MT4: variants seen among roughly 807,000 people sequenced by gnomAD.
MT4 encodes metallothionein 4.
MT4 carries 11 observed loss-of-function variants against 9.5 expected under a neutral mutation model. The observed-to-expected ratio is 1.16, with a 90% CI of 0.73 to 1.92. MT4 has a LOEUF of 1.92. MT4 is among the 30% of genes most tolerant of loss of function. The pLI, the probability that MT4 is intolerant of heterozygous loss-of-function variation, is 0.00. For missense variants in MT4, 88 were observed against 78.7 expected, an observed-to-expected ratio of 1.12 and a Z score of -0.45; for synonymous variants, 29 against 24.6, an observed-to-expected ratio of 1.18 and a Z score of -0.53.
chr16:56,565,178 C>T lies in MT4; in HGVS notation c.31+19C>T. 1 of 1,607,960 alleles carries T rather than the reference C, an allele frequency of 6.2e-7. No homozygotes were observed. Among genetic ancestry groups the T allele is most frequent in the Non-Finnish European group, 8.5e-7 (1 of 1,177,290 alleles). On this transcript the variant is annotated intron_variant, in intron 1 of 2. Transcript: ENST00000219162. ...ATGTCTGGTGAGTAAAGAAGCCCTC[C>T]CTGGGGTCTGGGAACCTTGGACCAG...
At chr16:56,567,398 T>C (rs1330642814) in intron 1 of MT4, among the ~76,000 whole-genome samples, 1 of 152,218 alleles carries the variant, frequency 6.6e-6, no homozygotes. Flanking sequence ...CTGTTGGTTC[T>C]CATTGTACAT....
intron 1 of MT4, among the ~76,000 whole-genome samples, chr16:56,566,790 GAAAGAAAGAAAGAAAGAAAGAAAGAAAGA>G (rs771566324): frequency 0.081 from 3,127 of 38,460 alleles, 151 homozygotes; most frequent in Admixed American, 0.14. Context: ...AAGAAAGAAA[GAAAGAAAGAAAGAAAGAAAGAAAGAAAGA>G]AAAGAAAGAA....
chr16:56,565,787 T>C (rs1346419068), intron 1 of MT4, among the ~76,000 whole-genome samples: 2 of 152,188 alleles, frequency 1.3e-5, no homozygotes. Flanking sequence ...CTCACAAGTC[T>C]GGGTGGTGTG....
intron 2 of MT4, 125 bp from the exon 3 acceptor site, chr16:56,568,716 C>T (rs893392129): frequency 3.8e-5 from 23 of 604,064 alleles, no homozygotes; most frequent in Admixed American, 8.5e-5. Context: ...AGCATTTTTG[C>T]TAATGTGGAT....
intron 2 of MT4, among the ~76,000 whole-genome samples, chr16:56,568,202 A>G (rs1959562776): frequency 3.0e-5 from 2 of 67,672 alleles, no homozygotes; most frequent in Non-Finnish European, 2.8e-5. Flanking sequence ...GAAGGAAGAG[A>G]GAGAGAGAGA....
intron 1 of MT4, among the ~76,000 whole-genome samples, chr16:56,567,129 T>G (rs1959546276): frequency 6.6e-6 from 1 of 152,002 alleles, no homozygotes; most frequent in Non-Finnish European, 1.5e-5. Context: ...GTTCAAGAGA[T>G]TCTCGTGTCT....
intron 1 of MT4, among the ~76,000 whole-genome samples, chr16:56,566,761 G>GAAA (rs1959530257): frequency 5.0e-5 from 3 of 60,602 alleles, no homozygotes; most frequent in Non-Finnish European, 9.7e-5. Flanking sequence ...AAGGAAGGAA[G>GAAA]GAAGGAAGGA....
Position 56,568,271 on chromosome 16 carries a change from G to GAGAAAGAA in MT4, c.98-510_98-503dup, listed in dbSNP as rs58324349. ...AGAAAGAAAGAAAGAGAGAGAGAGAGAGAAAGAAAGAAAGAAAGAAAGAAA... is the reference window on the plus strand; with the variant it reads ...AGAAAGAAAGAAAGAGAGAGAGAGAGAGAAAGAAAGAAAGAAAGAAAGAAAGAAAGAAA... On this transcript the variant is annotated intron_variant, in intron 2 of 2. Coordinates refer to ENST00000219162, the MANE Select transcript of MT4 (RefSeq NM_032935.3). 3.3e-3 allele frequency among the ~76,000 whole-genome samples: 191 copies of GAGAAAGAA among 58,548 alleles called. 3 individuals are homozygous for GAGAAAGAA. The highest frequency in any genetic ancestry group is 0.012 in the South Asian group (14 of 1,202). 38.4% of individuals were successfully genotyped at this position (58,548 alleles called of 152,430 possible). A position where few individuals can be genotyped will look rare whatever the true frequency, so the allele number is the denominator to read the frequency against.
intron 1 of MT4, 145 bp downstream of exon 1, chr16:56,565,304 C>A: frequency 1.3e-6 from 1 of 751,784 alleles, no homozygotes; most frequent in Non-Finnish European, 2.1e-6. Flanking sequence ...GTGGACTGGC[C>A]ACCTCTGGGG....
At chr16:56,566,003 G>T (rs938540175) in intron 1 of MT4, among the ~76,000 whole-genome samples, 7 of 151,780 alleles carry the variant, frequency 4.6e-5, no homozygotes, top group Admixed American at 4.6e-4. Flanking sequence ...GTTCGAGGCT[G>T]CAGCAAACTA....
At chr16:56,568,748 C>A in intron 2 of MT4, 93 bp from the exon 3 acceptor site, 1 of 877,474 alleles carries the variant, frequency 1.1e-6, no homozygotes, top group Non-Finnish European at 1.7e-6. Context: ...GCACACACCC[C>A]TCTTTTCCTA....
intron 1 of MT4, among the ~76,000 whole-genome samples, chr16:56,567,461 ACTTAT>A (rs1959550481): frequency 6.6e-6 from 1 of 152,118 alleles, no homozygotes; most frequent in Non-Finnish European, 1.5e-5. Flanking sequence ...CCCCACCAAG[ACTTAT>A]GAATCAGAAC....
rs746737496 is a variant in MT4 at position 56,565,099 on chromosome 16, C to T, written c.-30C>T. 8 of 1,612,620 alleles carry T rather than the reference C, an allele frequency of 5.0e-6. No homozygotes were observed. The African/African-American group carries it at 9.3e-5, about 19-fold the overall frequency. On this transcript the variant is annotated 5_prime_UTR_variant, in exon 1 of 3. Transcript: ENST00000219162. The stretch of plus-strand genomic sequence containing the variant: ...CTCAGCCTCCCTTCCCCAGCCGTGA[C>T]AGCACTGGAGCCTTTCGGACACCTG...
intron 1 of MT4, among the ~76,000 whole-genome samples, chr16:56,565,484 T>G (rs995330709): frequency 4.6e-5 from 7 of 152,212 alleles, no homozygotes; most frequent in African/African-American, 1.7e-4. Context: ...CAACCTGGTT[T>G]GGGTCCATTG....
rs1458947779 is a variant in MT4, at chr16:56,567,833, G to A, written c.97+17G>A. Reference sequence around the variant, plus strand: ...ATTGGAAGAGTGAGTATGGTGACTGGGGGCACCATGGGCTGGGAGTTAGAA... The same window carrying A: ...ATTGGAAGAGTGAGTATGGTGACTGAGGGCACCATGGGCTGGGAGTTAGAA... On this transcript the variant is annotated intron_variant, in intron 2 of 2. Transcript: ENST00000219162. The A allele has an allele frequency of 1.3e-6, 2 of 1,596,568 alleles. No individual in the cohort carries two copies. The highest frequency in any genetic ancestry group is 1.7e-6 in the Non-Finnish European group (2 of 1,164,678).
intron 2 of MT4, among the ~76,000 whole-genome samples, 155 bp downstream of exon 2, chr16:56,567,971 G>C (rs1364242091): frequency 6.6e-6 from 1 of 151,738 alleles, no homozygotes; most frequent in Non-Finnish European, 1.5e-5. Flanking sequence ...TGGCCAACAT[G>C]GTGAAACCCC....
chr16:56,568,502 G>A (rs766938190), intron 2 of MT4, among the ~76,000 whole-genome samples: 7 of 152,132 alleles, frequency 4.6e-5, no homozygotes, highest in South Asian at 2.1e-4. Flanking sequence ...TTTGGAGCAG[G>A]AAGAGGACTG....
In MT4 at chr16:56,568,830, G is replaced by A. The variant is rs765513892; in HGVS notation, c.98-11G>A. On this transcript the variant is annotated splice_polypyrimidine_tract_variant and intron_variant, in intron 2 of 2. Coordinates refer to ENST00000219162, the MANE Select transcript of MT4 (RefSeq NM_032935.3). ...CCCACAGCGGATCTGCGCATCTCCT[G>A]ACTCTTTCAGGCTGCTGTCCCTGCT... The A allele has an allele frequency of 3.8e-6, 6 of 1,578,516 alleles. No homozygotes were observed. The highest frequency in any genetic ancestry group is 3.4e-4 in the Middle Eastern group (2 of 5,924).
At chr16:56,566,468 T>C (rs1432362515) in intron 1 of MT4, among the ~76,000 whole-genome samples, 1 of 150,954 alleles carries the variant, frequency 6.6e-6, no homozygotes, top group East Asian at 2.0e-4. Flanking sequence ...GTTCCCACCA[T>C]GGTGCTCCAG....
Sources: gnomAD v4.1 joint callset for allele counts (sites outside exome capture counted in the v4.1 genomes callset) on GRCh38, gnomAD v4.1.1 for gene constraint, MANE v1.5 for transcripts, NCBI Gene and HGNC (gene_info 2026-07-23, HGNC 2026-07-21) for gene names.